BRD9: variants seen among roughly 807,000 people sequenced by gnomAD.
BRD9 encodes bromodomain containing 9.
In BRD9, 47 loss-of-function variants were observed where a neutral mutation model predicts 68.7. The ratio of observed to expected loss-of-function variants is 0.68; its 90% CI spans 0.54 to 0.87. The LOEUF (loss-of-function observed/expected upper bound fraction) is 0.87. Among genes scored for constraint, BRD9 ranks in the 40% least tolerant of loss-of-function variants. BRD9 has a pLI of 0.00. For missense variants in BRD9, 670 were observed against 748.4 expected (o/e 0.90, Z 1.22); for synonymous variants, 313 against 293.9 (o/e 1.06, Z -0.67).
intron 11 of BRD9, among the ~76,000 whole-genome samples, chr5:877,542 G>A (rs1433228960): frequency 6.6e-6 from 1 of 152,276 alleles, no homozygotes; most frequent in East Asian, 1.9e-4. Flanking sequence ...GCAAAATTAA[G>A]TTGCTTTCTC....
At chr5:889,556 A>T in intron 4 of BRD9, 31 bp downstream of exon 4, 1 of 1,611,024 alleles carries the variant, frequency 6.2e-7, no homozygotes, top group Non-Finnish European at 8.5e-7. Flanking sequence ...ACCCCCCCAG[A>T]CACTAGCTCT....
rs972420999 is a variant in BRD9, at chr5:891,837, G to A, written c.70C>T (p.Leu24=). 1 of 1,551,426 alleles carries A rather than the reference G, an allele frequency of 6.4e-7. No individual in the cohort carries two copies. The change falls in exon 2 of 16, where the codon CTG becomes TTG. Residue 24 remains leucine, a synonymous_variant. Transcript: ENST00000467963. ...AGGACTAGCTTTAGAGGCTTCTCCA[G>A]GGGCTTGTCGGCATAATCTGCACAG... ...SSYEDYADKP[L]EKPLKLVLKV...
chr5:886,693 CAA>C lies in BRD9; in HGVS notation c.730_731del (p.Leu244GlyfsTer3). On this transcript the variant is annotated frameshift_variant, in exon 7 of 16. Coordinates refer to ENST00000467963, the MANE Select transcript of BRD9 (RefSeq NM_023924.5). LOFTEE classifies it high-confidence loss of function. ...CCTCAACAGCTGTATCTTCATTGCC[CAA>C]AAGAGCTGCCTGCTGAGAAAAATCC... ...FKMMSKQAALLGNEDTAVEEP... is the reference protein window; with the variant it reads ...FKMMSKQAALXGNEDTAVEEP... The C allele has an allele frequency of 6.2e-7, 1 of 1,614,144 alleles. No homozygotes were observed. The highest frequency in any genetic ancestry group is 1.3e-5 in the African/African-American group (1 of 75,036).
intron 3 of BRD9, 127 bp downstream of exon 3, chr5:891,028 A>G: frequency 2.4e-6 from 3 of 1,229,252 alleles, no homozygotes. Context: ...ACCTGGGATG[A>G]GGCCCTGGAA....
At chr5:887,556 G>A (rs1211046258) in intron 5 of BRD9, 85 bp from the exon 6 acceptor site, 4 of 1,003,984 alleles carry the variant, frequency 4.0e-6, no homozygotes, top group Admixed American at 1.9e-5. Context: ...GAGACCAAAA[G>A]GAAAAAGCTA....
intron 12 of BRD9, 56 bp downstream of exon 12, chr5:876,045 C>T (rs998758047): frequency 9.7e-5 from 124 of 1,281,614 alleles, no homozygotes; most frequent in Middle Eastern, 2.0e-4. Flanking sequence ...AGGCTCTTCC[C>T]GCCAGCAGCA....
rs761354730 is a variant in BRD9 at position 878,440 on chromosome 5, A to C, written c.1186T>G (p.Ser396Ala). The change falls in exon 11 of 16, where the codon TCA becomes GCA. Residue 396 changes from serine to alanine, a missense_variant. By Grantham distance (99) the Ser-to-Ala change is moderately conservative. Transcript: ENST00000467963. ...TCCGACTTCAAGTCGCCAAATACTG[A>C]ATTATTCTGCATCGAAAGCGCAGTA... is the stretch of plus-strand genomic sequence containing the variant. ...ATTALSMQNN[S>A]VFGDLKSDEM... is the part of the protein sequence containing the mutation. The C allele has an allele frequency of 6.2e-7, 1 of 1,614,246 alleles. No homozygotes were observed. Among genetic ancestry groups the C allele is most frequent in the Non-Finnish European group, 8.5e-7 (1 of 1,180,040 alleles).
At position 870,514 on chromosome 5, in the gene BRD9, T is replaced by C. The variant is rs752574817; in HGVS notation, c.1484A>G (p.Tyr495Cys). Residue 495 changes from tyrosine (Y) to cysteine (C), a missense_variant, in exon 14 of 16, where the codon TAT becomes TGT. Around this residue, in one of 5 missense-constraint regions of BRD9, gnomAD observed 280 missense variants for 281.5 expected, o/e 0.99. Transcript: ENST00000467963. ...SVLEFMSMKS[Y>C]PDVSVDISML... is the part of the protein sequence containing the mutation. ...GGAGATATCCACAGAAACGTCGGGA[T>C]AGGACTTCATCGACATGAACTCCAG... The C allele has an allele frequency of 5.0e-6, 8 of 1,614,122 alleles. No homozygotes were observed. Among genetic ancestry groups the C allele is most frequent in the African/African-American group, 4.0e-5 (3 of 74,956 alleles).
chr5:892,768 G>A lies in BRD9; in HGVS notation c.-111C>T. 2 of 1,120,200 alleles carry A rather than the reference G, an allele frequency of 1.8e-6. No homozygotes were observed. Among genetic ancestry groups the A allele is most frequent in the Non-Finnish European group, 2.2e-6 (2 of 889,128 alleles). 69.4% of individuals were successfully genotyped at this position (1,120,200 alleles called of 1,614,324 possible). ...GCTGGCCGCCCGCGCTCGCTGCGCC[G>A]AGGTTGCCGAGCTCGCTGGGCCGCG... On this transcript the variant is annotated 5_prime_UTR_variant, in exon 1 of 16. Transcript: ENST00000467963.
intron 14 of BRD9, 184 bp from the exon 15 acceptor site, chr5:865,765 AGTGAG>A: frequency 1.6e-6 from 1 of 610,288 alleles, no homozygotes; most frequent in Non-Finnish European, 2.7e-6. Flanking sequence ...TACCCTTAGC[AGTGAG>A]TGAAGGGAAG....
At chr5:873,748 C>T (rs1750490409) in intron 12 of BRD9, among the ~76,000 whole-genome samples, 1 of 152,166 alleles carries the variant, frequency 6.6e-6, no homozygotes, top group Admixed American at 6.5e-5. Flanking sequence ...ATGTGGACCC[C>T]AGTTCATCTG....
At chr5:885,614 A>C (rs1460949544) in intron 7 of BRD9, among the ~76,000 whole-genome samples, 2 of 152,248 alleles carry the variant, frequency 1.3e-5, no homozygotes, top group African/African-American at 2.4e-5. Flanking sequence ...ATCTGTCCCC[A>C]GGATGGCAAC....
chr5:864,489 A>C lies in BRD9; in HGVS notation c.1773T>G (p.Pro591=), dbSNP rs746628495. 3 of 1,613,292 alleles carry C rather than the reference A, an allele frequency of 1.9e-6. No homozygotes were observed. Among genetic ancestry groups the C allele is most frequent in the Non-Finnish European group, 2.5e-6 (3 of 1,179,382 alleles). ...DPYEFLQSPE[P]AASAKT is the part of the protein sequence containing the mutation. Reference sequence around the variant, plus strand: ...AGAGTTAGGTCTTGGCAGAGGCCGCAGGCTCTGGAGACTGAAGAAACTCAT... The same window carrying C: ...AGAGTTAGGTCTTGGCAGAGGCCGCCGGCTCTGGAGACTGAAGAAACTCAT... The change falls in exon 16 of 16, where the codon CCT becomes CCG. Residue 591 remains proline, a synonymous_variant. Transcript: ENST00000467963.
intron 12 of BRD9, among the ~76,000 whole-genome samples, chr5:874,763 G>A (rs1579935321): frequency 6.6e-6 from 1 of 152,364 alleles, no homozygotes; most frequent in South Asian, 2.1e-4. Context: ...CATCATCAGT[G>A]AAAACTGATC....
chr5:890,289 G>C (rs1753168515), intron 3 of BRD9, among the ~76,000 whole-genome samples: 1 of 152,196 alleles, frequency 6.6e-6, no homozygotes, highest in Non-Finnish European at 1.5e-5. Flanking sequence ...AGTGGAGCCA[G>C]CAGGCCTCAG....
At chr5:892,048 A>AG (rs1336972192) in intron 1 of BRD9, 194 bp from the exon 2 acceptor site, 3 of 859,076 alleles carry the variant, frequency 3.5e-6, no homozygotes, top group Non-Finnish European at 5.2e-6. Context: ...TCCCCTCCGC[A>AG]GGGAGCTTCA....
chr5:874,873 C>T (rs75623928), intron 12 of BRD9, among the ~76,000 whole-genome samples: 16,458 of 152,190 alleles, frequency 0.11, 1,142 homozygotes, highest in Admixed American at 0.2. Flanking sequence ...AGCACAGTGT[C>T]GGTGCCATGT....
intron 8 of BRD9, chr5:882,369 C>CG: frequency 6.4e-6 from 1 of 157,090 alleles, no homozygotes; most frequent in Non-Finnish European, 1.4e-5. Flanking sequence ...GCCACAACCT[C>CG]CAGCACACAA....
chr5:871,619 G>A (rs1013100240), intron 12 of BRD9, 55 bp from the exon 13 acceptor site: 17 of 1,532,882 alleles, frequency 1.1e-5, no homozygotes, highest in African/African-American at 5.5e-5. Context: ...TCATAGAAAC[G>A]GACAATTCGC....
Sources: allele counts gnomAD v4.1 joint callset (sites outside exome capture counted in the v4.1 genomes callset), GRCh38; gene constraint gnomAD v4.1.1; regional missense constraint gnomAD v4.1.1; transcripts MANE v1.5; gene names NCBI Gene and HGNC (gene_info 2026-07-23, HGNC 2026-07-21).